The following MIB1 variants were observed in gnomAD, a reference collection of about 807,000 sequenced individuals.
MIB1 encodes MIB E3 ubiquitin protein ligase 1.
A neutral mutation model predicts 124.5 loss-of-function variants in MIB1; 278 were observed. The observed-to-expected ratio is 2.23, with a 90% CI of 2.02 to 2.47. The LOEUF (loss-of-function observed/expected upper bound fraction) is 2.47. Among genes scored for constraint, MIB1 ranks in the 30% most tolerant of loss-of-function variants. The pLI is 0.00. For missense variants in MIB1, 957 were observed against 1,254.4 expected, an observed-to-expected ratio of 0.76 and a Z score of 3.58; for synonymous variants, 446 against 429.4, an observed-to-expected ratio of 1.04 and a Z score of -0.48.
chr18:21,764,839 A>G (rs1395357003), intron 1 of MIB1, among the ~76,000 whole-genome samples: 1 of 152,236 alleles, frequency 6.6e-6, no homozygotes, highest in African/African-American at 2.4e-5. Flanking sequence ...AGACGGAGTC[A>G]GAACTTGAAT....
At chr18:21,786,424 T>G (rs904653882) in intron 6 of MIB1, among the ~76,000 whole-genome samples, 11 of 152,322 alleles carry the variant, frequency 7.2e-5, no homozygotes, top group Non-Finnish European at 1.5e-4. Context: ...GGATTTAATT[T>G]GTTTGGTGAT....
At chr18:21,807,517 A>G (rs987814459) in intron 10 of MIB1, among the ~76,000 whole-genome samples, 19 of 152,330 alleles carry the variant, frequency 1.2e-4, no homozygotes, top group African/African-American at 4.3e-4. Flanking sequence ...TGCCTATTAA[A>G]CAACTATATA....
chr18:21,727,065 T>A (rs940456741), intron 1 of MIB1, among the ~76,000 whole-genome samples: 1 of 152,156 alleles, frequency 6.6e-6, no homozygotes, highest in Non-Finnish European at 1.5e-5. Flanking sequence ...CACGGCCCCA[T>A]GCTAAGTGGG....
At chr18:21,706,810 C>G (rs908053163) in intron 1 of MIB1, among the ~76,000 whole-genome samples, 1 of 152,230 alleles carries the variant, frequency 6.6e-6, no homozygotes, top group Admixed American at 6.5e-5. Flanking sequence ...CCCCGCCCCA[C>G]TGTGGGCTCC....
intron 20 of MIB1, among the ~76,000 whole-genome samples, 192 bp downstream of exon 20, chr18:21,858,838 GC>G (rs1203397530): frequency 1.1e-4 from 17 of 152,170 alleles, no homozygotes; most frequent in Admixed American, 4.6e-4. Context: ...CACACAAATG[GC>G]CAATGAATAT....
chr18:21,822,292 A>T (rs1251664037), intron 12 of MIB1, among the ~76,000 whole-genome samples: 1 of 152,174 alleles, frequency 6.6e-6, no homozygotes, highest in African/African-American at 2.4e-5. Context: ...AAATATTTTG[A>T]GTTGTTTCAT....
intron 10 of MIB1, among the ~76,000 whole-genome samples, chr18:21,813,240 G>C (rs1467307705): frequency 6.7e-6 from 1 of 150,200 alleles, no homozygotes; most frequent in African/African-American, 2.4e-5. Context: ...AAAAAAAAAA[G>C]ACTGGAAGTT....
In MIB1 at chr18:21,844,106, A is replaced by T. The variant is rs773329796; in HGVS notation, c.2064A>T (p.Ala688=). ...HTQIVRLLVR[A]GAKLDIQDKD... is the part of the protein sequence containing the mutation. ...TTCTCTTTTAGCTTTTGGTCCGTGC[A>T]GGTGCCAAGCTTGATATTCAGGATA... is the stretch of plus-strand genomic sequence containing the variant. Residue 688 remains alanine, a synonymous_variant, in exon 15 of 21, where the codon GCA becomes GCT. Coordinates refer to ENST00000261537, the MANE Select transcript of MIB1 (RefSeq NM_020774.4). 9.3e-6 allele frequency: 15 copies of T among 1,613,990 alleles called. No homozygotes were observed.
chr18:21,830,382 TTAA>T (rs1018920800), intron 12 of MIB1, among the ~76,000 whole-genome samples: 22 of 152,286 alleles, frequency 1.4e-4, no homozygotes, highest in Admixed American at 1.4e-3. Flanking sequence ...GACTAAATCT[TTAA>T]TAATGTAAAT....
intron 7 of MIB1, among the ~76,000 whole-genome samples, chr18:21,796,293 A>C (rs1332491226): frequency 6.6e-6 from 1 of 152,084 alleles, no homozygotes; most frequent in Non-Finnish European, 1.5e-5. Context: ...CAAACACAGA[A>C]CAGAAAACCA....
intron 6 of MIB1, among the ~76,000 whole-genome samples, chr18:21,789,394 A>T (rs533230775): frequency 6.6e-6 from 1 of 152,286 alleles, no homozygotes; most frequent in Admixed American, 6.5e-5. Context: ...TAACTTGATT[A>T]CATATGTAAA....
intron 1 of MIB1, among the ~76,000 whole-genome samples, chr18:21,712,452 A>G (rs2040669997): frequency 6.6e-6 from 1 of 152,214 alleles, no homozygotes; most frequent in South Asian, 2.1e-4. Flanking sequence ...AAGACTCCTT[A>G]GCAGACTGGA....
chr18:21,860,096 GTC>G (rs2042263137), intron 20 of MIB1, among the ~76,000 whole-genome samples: 1 of 53,302 alleles, frequency 1.9e-5, no homozygotes, highest in Non-Finnish European at 3.0e-5. Context: ...TGTTCTTTAT[GTC>G]TTTTTTTTTT....
At chr18:21,855,486 G>T (rs1025874314) in intron 18 of MIB1, among the ~76,000 whole-genome samples, 16 of 152,202 alleles carry the variant, frequency 1.1e-4, no homozygotes, top group African/African-American at 3.6e-4. Flanking sequence ...TATATATTTA[G>T]TCAATTAGTC....
chr18:21,725,997 T>G (rs1225196810), intron 1 of MIB1, among the ~76,000 whole-genome samples: 2 of 152,228 alleles, frequency 1.3e-5, no homozygotes, highest in Non-Finnish European at 2.9e-5. Flanking sequence ...TCAAACAGTT[T>G]GTTTTCAAGT....
chr18:21,850,570 T>C (rs764603178), intron 17 of MIB1, among the ~76,000 whole-genome samples: 4 of 152,160 alleles, frequency 2.6e-5, no homozygotes, highest in Non-Finnish European at 4.4e-5. Flanking sequence ...GTATCTTTCG[T>C]AGAATTTTTG....
chr18:21,782,103 A>C (rs2041375761), intron 6 of MIB1, among the ~76,000 whole-genome samples: 1 of 151,566 alleles, frequency 6.6e-6, no homozygotes, highest in South Asian at 2.1e-4. Flanking sequence ...GTTATTTGAA[A>C]TCTTCCTACT....
chr18:21,732,398 CAAGAGAGAGA>C (rs2040776095), intron 1 of MIB1, among the ~76,000 whole-genome samples: 1 of 104,400 alleles, frequency 9.6e-6, no homozygotes, highest in East Asian at 2.9e-4. Context: ...ACACACAGAG[CAAGAGAGAGA>C]GAGAGACAGG....
chr18:21,798,070 T>A lies in MIB1; in HGVS notation c.1093-14T>A, dbSNP rs775201175. On this transcript the variant is annotated splice_polypyrimidine_tract_variant and intron_variant, in intron 7 of 20. Transcript: ENST00000261537. ...CTTTAGACTTGGAAACATGAATCTATTTTTTTCCCCAAGACTTTAGGTAAA... is the reference window on the plus strand; with the variant it reads ...CTTTAGACTTGGAAACATGAATCTAATTTTTTCCCCAAGACTTTAGGTAAA... 5.6e-6 allele frequency: 9 copies of A among 1,609,966 alleles called. No individual in the cohort carries two copies. The South Asian group carries it at 8.8e-5, about 16-fold the overall frequency.
Sources: allele counts gnomAD v4.1 joint callset (sites outside exome capture counted in the v4.1 genomes callset), GRCh38; gene constraint gnomAD v4.1.1; transcripts MANE v1.5; gene names NCBI Gene and HGNC (gene_info 2026-07-23, HGNC 2026-07-21).